Variants in ACTL8 observed in about 807,000 individuals in gnomAD.
ACTL8 encodes the protein actin-like protein 8.
A neutral mutation model predicts 9.3 loss-of-function variants in ACTL8; 3 were observed. That is an observed-to-expected ratio of 0.32 (90% confidence interval 0.15 to 0.83). The LOEUF (loss-of-function observed/expected upper bound fraction) is 0.83, where lower values mean the gene tolerates loss of function less well. ACTL8 is among the 40% of genes least tolerant of loss of function. The pLI is 0.57. For synonymous variants in ACTL8, 224 were observed against 205.9 expected, an observed-to-expected ratio of 1.09 and a Z score of -0.75; for missense variants, 381 against 492.2, an observed-to-expected ratio of 0.77 and a Z score of 2.14.
At chr1:17,776,146 T>C (rs970512003) in intron 1 of ACTL8, among the ~76,000 whole-genome samples, 1 of 152,092 alleles carries the variant, frequency 6.6e-6, no homozygotes, top group Non-Finnish European at 1.5e-5. Context: ...CAGGGAGCCA[T>C]GGGAAGCTTT....
chr1:17,821,739 G>T (rs1439934341), intron 1 of ACTL8, among the ~76,000 whole-genome samples: 3 of 151,882 alleles, frequency 2.0e-5, no homozygotes, highest in Admixed American at 6.6e-5. Flanking sequence ...AGCGATTCTT[G>T]TGTCTCAGCC....
rs150456560 is a variant in ACTL8 at position 17,767,773 on chromosome 1, C to T, written c.-25+12269C>T. 1.2e-4 allele frequency among the ~76,000 whole-genome samples: 18 copies of T among 152,264 alleles called. No individual in the cohort carries two copies. In the East Asian group the frequency reaches 1.5e-3, roughly 13 times the overall value. The stretch of plus-strand genomic sequence containing the variant: ...GTTGCCTTTATTTACTTATTTCACA[C>T]GAGACAATGTCCCTGCTTGGCTTCT... On this transcript the variant is annotated intron_variant, in intron 1 of 2. Coordinates refer to ENST00000375406, the MANE Select transcript of ACTL8 (RefSeq NM_030812.3). The surrounding 1 kb of genome is among the most constrained non-coding windows in gnomAD (Gnocchi z 4.7).
chr1:17,801,138 T>C (rs549244845), intron 1 of ACTL8, among the ~76,000 whole-genome samples: 1 of 152,358 alleles, frequency 6.6e-6, no homozygotes, highest in East Asian at 1.9e-4. Context: ...TGCCAGACTG[T>C]GTTGTAGGTG....
At chr1:17,777,252 A>C (rs927954720) in intron 1 of ACTL8, among the ~76,000 whole-genome samples, 4 of 151,996 alleles carry the variant, frequency 2.6e-5, no homozygotes, top group African/African-American at 9.7e-5. Flanking sequence ...CCACATCCTG[A>C]TTCTCCAGGA....
chr1:17,774,165 C>T (rs1289965871), intron 1 of ACTL8, among the ~76,000 whole-genome samples: 1 of 152,212 alleles, frequency 6.6e-6, no homozygotes, highest in Non-Finnish European at 1.5e-5. Flanking sequence ...AAAATCTGGG[C>T]TCGTTTAGCT....
intron 1 of ACTL8, among the ~76,000 whole-genome samples, chr1:17,804,520 G>A (rs950126686): frequency 1.3e-5 from 2 of 152,126 alleles, no homozygotes; most frequent in Admixed American, 6.5e-5. Flanking sequence ...GGGAGGCAAC[G>A]AGGACACAGG....
intron 1 of ACTL8, among the ~76,000 whole-genome samples, chr1:17,757,759 C>A (rs1003460457): frequency 6.6e-6 from 1 of 152,176 alleles, no homozygotes; most frequent in African/African-American, 2.4e-5. Flanking sequence ...GGTTTTAGAT[C>A]CAGGAAGGCA....
chr1:17,811,695 C>T (rs1314180631), intron 1 of ACTL8, among the ~76,000 whole-genome samples: 1 of 152,088 alleles, frequency 6.6e-6, no homozygotes, highest in Non-Finnish European at 1.5e-5. Flanking sequence ...CCAGTTTTTC[C>T]AGCACCATTT....
intron 1 of ACTL8, among the ~76,000 whole-genome samples, chr1:17,821,585 C>T (rs937222508): frequency 1.3e-5 from 2 of 152,114 alleles, no homozygotes; most frequent in Non-Finnish European, 1.5e-5. Flanking sequence ...GTGTGTGGGC[C>T]TATTTCTGGA....
chr1:17,764,434 T>C (rs7547331), intron 1 of ACTL8, among the ~76,000 whole-genome samples: 57,075 of 152,092 alleles, frequency 0.38, 10,894 homozygotes, highest in East Asian at 0.59. Flanking sequence ...GGTTCACTTC[T>C]TTCCAGCCCA....
rs1231478556 is a variant in ACTL8 at position 17,823,443 on chromosome 1, T to C, written c.348+87T>C. On this transcript the variant is annotated intron_variant, in intron 2 of 2. Transcript: ENST00000375406. This position sits in a 1 kb window ranked among gnomAD's most constrained non-coding sequence, Gnocchi z 5.3. ...ACTGATTGGGCACCAGGAATTCTGC[T>C]TTTTAAGATAAATTGCCAACCAGGT... 7.5e-6 allele frequency: 10 copies of C among 1,331,860 alleles called. No individual in the cohort carries two copies. Among genetic ancestry groups the C allele is most frequent in the Non-Finnish European group, 1.0e-5 (10 of 984,392 alleles). The allele number at this position is 1,331,860 out of a possible 1,614,324, so 82.5% of individuals were successfully genotyped here.
intron 1 of ACTL8, among the ~76,000 whole-genome samples, chr1:17,766,137 G>T (rs2066042794): frequency 6.6e-6 from 1 of 152,206 alleles, no homozygotes; most frequent in African/African-American, 2.4e-5. Flanking sequence ...AAAGGCATCT[G>T]GGTGCTCCAC....
intron 1 of ACTL8, among the ~76,000 whole-genome samples, chr1:17,779,108 C>T (rs866780310): frequency 2.6e-5 from 4 of 152,260 alleles, no homozygotes; most frequent in African/African-American, 7.2e-5. Flanking sequence ...TATACATACC[C>T]GAGATTCCAG....
At position 17,767,255 on chromosome 1, in the gene ACTL8, C is replaced by T. The variant is rs1225460934; in HGVS notation, c.-25+11751C>T. Among the ~76,000 whole-genome samples the T allele has an allele frequency of 5.3e-5, 8 of 152,072 alleles. No homozygotes were observed. Among genetic ancestry groups the T allele is most frequent in the African/African-American group, 1.4e-4 (6 of 41,484 alleles). ...AGGGCATCAGGAGGTGAGGTCAGAACGGTAAGAGTGAGGAGATGCTGGGGT... is the reference window on the plus strand; with the variant it reads ...AGGGCATCAGGAGGTGAGGTCAGAATGGTAAGAGTGAGGAGATGCTGGGGT... On this transcript the variant is annotated intron_variant, in intron 1 of 2. Coordinates refer to ENST00000375406, the MANE Select transcript of ACTL8 (RefSeq NM_030812.3). This position sits in a 1 kb window ranked among gnomAD's most constrained non-coding sequence, Gnocchi z 4.7.
chr1:17,795,125 A>G (rs1254909571), intron 1 of ACTL8, among the ~76,000 whole-genome samples: 1 of 152,218 alleles, frequency 6.6e-6, no homozygotes, highest in Non-Finnish European at 1.5e-5. Flanking sequence ...CGTTAATAGC[A>G]TTCTCGCTCG....
At chr1:17,822,945 A>T in intron 1 of ACTL8, 40 bp from the exon 2 acceptor site, 1 of 1,426,794 alleles carries the variant, frequency 7.0e-7, no homozygotes, top group Non-Finnish European at 9.6e-7. Context: ...ATGGTGGCCT[A>T]GGCTGCCTGC....
At chr1:17,811,389 G>A (rs1010748290) in intron 1 of ACTL8, among the ~76,000 whole-genome samples, 5 of 152,154 alleles carry the variant, frequency 3.3e-5, no homozygotes, top group Non-Finnish European at 5.9e-5. Flanking sequence ...GTTTCTCCCA[G>A]TCTTTGGCTT....
chr1:17,788,237 TAGTC>T lies in ACTL8; in HGVS notation c.-25+32737_-25+32740del, dbSNP rs369055302. 2.6e-4 allele frequency among the ~76,000 whole-genome samples: 40 copies of T among 152,372 alleles called. No homozygotes were observed. In the East Asian group the frequency reaches 6.2e-3, roughly 23 times the overall value. On this transcript the variant is annotated intron_variant, in intron 1 of 2. Transcript: ENST00000375406. ...TTTGCTATGTAGAAGTTCTTATTGT[TAGTC>T]AGTTTAAAAAAAATCTGTGTCTTCT...
At chr1:17,788,871 G>T (rs2066218019) in intron 1 of ACTL8, among the ~76,000 whole-genome samples, 1 of 152,200 alleles carries the variant, frequency 6.6e-6, no homozygotes, top group African/African-American at 2.4e-5. Context: ...ATCTGAGGTG[G>T]GAGGGGCAGG....
Sources: gnomAD v4.1 joint callset for allele counts (sites outside exome capture counted in the v4.1 genomes callset) on GRCh38, gnomAD v4.1.1 for gene constraint, Gnocchi (gnomAD v3.1) non-coding constraint, MANE v1.5 for transcripts, NCBI Gene and HGNC (gene_info 2026-07-23, HGNC 2026-07-21) for gene names.